The following DSCAM variants were observed in gnomAD, a reference collection of about 807,000 sequenced individuals.
DSCAM encodes cell adhesion molecule DSCAM.
A neutral mutation model predicts 217.7 loss-of-function variants in DSCAM; 47 were observed. That is an observed-to-expected ratio of 0.22 (90% CI 0.17 to 0.28). DSCAM has a LOEUF of 0.28. DSCAM is among the 10% of genes least tolerant of loss of function. The pLI is 1.00. For synonymous variants in DSCAM, 1,056 were observed against 1,015.3 expected (o/e 1.04, Z -0.76); for missense variants, 2,080 against 2,618.3 (o/e 0.79, Z 4.49).
At chr21:40,397,229 T>C (rs2075187239) in intron 3 of DSCAM, among the ~76,000 whole-genome samples, 1 of 152,108 alleles carries the variant, frequency 6.6e-6, no homozygotes, top group African/African-American at 2.4e-5. Context: ...AATCTCATGT[T>C]GAGATGTGAT....
chr21:40,493,664 C>A (rs2076093860), intron 3 of DSCAM, among the ~76,000 whole-genome samples: 1 of 151,434 alleles, frequency 6.6e-6, no homozygotes, highest in Admixed American at 6.6e-5. Context: ...GAGTTCGAGA[C>A]CAGCCTGGCT....
chr21:40,465,882 A>T (rs1427628829), intron 3 of DSCAM, among the ~76,000 whole-genome samples: 2 of 92,416 alleles, frequency 2.2e-5, no homozygotes, highest in African/African-American at 1.2e-4. Flanking sequence ...ACGTTTGGTA[A>T]AAAAAAAAAA....
intron 3 of DSCAM, among the ~76,000 whole-genome samples, chr21:40,652,828 C>G (rs573729355): frequency 6.6e-6 from 1 of 152,260 alleles, no homozygotes; most frequent in Non-Finnish European, 1.5e-5. Flanking sequence ...TGGATTATGA[C>G]GAGTGTCTGT....
intron 15 of DSCAM, among the ~76,000 whole-genome samples, chr21:40,167,651 C>T (rs550545458): frequency 2.2e-4 from 33 of 152,292 alleles, no homozygotes; most frequent in African/African-American, 6.3e-4. Flanking sequence ...CTTCTCTCCC[C>T]GCTGGAAGCT....
At chr21:40,718,865 C>G (rs1183262439) in intron 1 of DSCAM, among the ~76,000 whole-genome samples, 9 of 152,120 alleles carry the variant, frequency 5.9e-5, no homozygotes, top group Non-Finnish European at 2.9e-5. Flanking sequence ...GTAGCTGATG[C>G]CTGTAATCCC....
chr21:40,225,705 C>T (rs530765052), intron 11 of DSCAM, among the ~76,000 whole-genome samples: 63 of 152,266 alleles, frequency 4.1e-4, no homozygotes, highest in Admixed American at 6.5e-4. Flanking sequence ...TACCTATTAC[C>T]GCTGGGGTCC....
intron 14 of DSCAM, among the ~76,000 whole-genome samples, chr21:40,184,305 C>A (rs555406067): frequency 1.1e-4 from 17 of 152,206 alleles, no homozygotes; most frequent in Admixed American, 1.1e-3. Flanking sequence ...ACTCGTACAG[C>A]AGTGAGTACA....
chr21:40,652,289 T>C (rs1046155608), intron 3 of DSCAM, among the ~76,000 whole-genome samples: 1 of 151,558 alleles, frequency 6.6e-6, no homozygotes, highest in Admixed American at 6.6e-5. Flanking sequence ...CTGCACATCC[T>C]GCACATGTGC....
intron 3 of DSCAM, among the ~76,000 whole-genome samples, chr21:40,475,884 T>C (rs775425889): frequency 5.7e-4 from 87 of 152,242 alleles, no homozygotes; most frequent in Middle Eastern, 3.4e-3. Flanking sequence ...GCCTATTCCA[T>C]TTGAGTAGTT....
chr21:40,460,025 G>A (rs1436683323), intron 3 of DSCAM, among the ~76,000 whole-genome samples: 1 of 152,098 alleles, frequency 6.6e-6, no homozygotes, highest in Non-Finnish European at 1.5e-5. Context: ...ACTAACACAG[G>A]AGCAGAAAAC....
intron 3 of DSCAM, among the ~76,000 whole-genome samples, chr21:40,548,167 A>C (rs905443144): frequency 6.6e-6 from 1 of 152,180 alleles, no homozygotes; most frequent in Admixed American, 6.5e-5. Context: ...TTATAGAAAA[A>C]AGCGCCAGCT....
At chr21:40,398,421 A>G (rs2075201708) in intron 3 of DSCAM, among the ~76,000 whole-genome samples, 1 of 152,104 alleles carries the variant, frequency 6.6e-6, no homozygotes, top group African/African-American at 2.4e-5. Context: ...CTAAAATGTC[A>G]AAATACCCCC....
chr21:40,221,210 C>A (rs531108335), intron 11 of DSCAM, among the ~76,000 whole-genome samples: 3 of 151,970 alleles, frequency 2.0e-5, no homozygotes, highest in Admixed American at 2.0e-4. Context: ...GAATAATAGA[C>A]GGATCTCTCC....
intron 3 of DSCAM, among the ~76,000 whole-genome samples, chr21:40,543,609 G>A (rs2076558542): frequency 6.6e-6 from 1 of 152,094 alleles, no homozygotes; most frequent in Non-Finnish European, 1.5e-5. Context: ...TGGGGGGGCA[G>A]GGATCCCAAA....
At chr21:40,425,301 G>A (rs1272645514) in intron 3 of DSCAM, among the ~76,000 whole-genome samples, 6 of 151,570 alleles carry the variant, frequency 4.0e-5, no homozygotes, top group South Asian at 4.2e-4. Context: ...CAAGGTGGGT[G>A]GATCACCTGA....
chr21:40,810,243 G>C (rs796867423), intron 1 of DSCAM, among the ~76,000 whole-genome samples: 2 of 152,330 alleles, frequency 1.3e-5, no homozygotes, highest in African/African-American at 4.8e-5. Context: ...AGAAGTTCCT[G>C]AGGAGCTAGA....
chr21:40,804,631 C>T (rs1344491810), intron 1 of DSCAM, among the ~76,000 whole-genome samples: 6 of 152,154 alleles, frequency 3.9e-5, no homozygotes, highest in Admixed American at 3.9e-4. Context: ...GCCCTGCCCA[C>T]TTGGTTTTCG....
At chr21:40,542,207 C>CA (rs1233015824) in intron 3 of DSCAM, among the ~76,000 whole-genome samples, 2 of 152,240 alleles carry the variant, frequency 1.3e-5, no homozygotes, top group African/African-American at 4.8e-5. Flanking sequence ...TACTCAATCT[C>CA]AAAAAATGAA....
In DSCAM at chr21:40,747,443, T is replaced by C. The variant is rs185813350; in HGVS notation, c.44-38672A>G. On this transcript the variant is annotated intron_variant, in intron 1 of 32. Transcript: ENST00000400454. ...TTGTAAATTTCTATATGCCAAGAAA[T>C]TGGAAAATCTAGAAGAAATGAGTAA... Among the ~76,000 whole-genome samples, 22 of 151,736 alleles carry C rather than the reference T, an allele frequency of 1.4e-4. No individual in the cohort carries two copies. The East Asian group carries it at 3.7e-3, about 25-fold the overall frequency.
Sources: allele counts gnomAD v4.1 joint callset (sites outside exome capture counted in the v4.1 genomes callset), GRCh38; gene constraint gnomAD v4.1.1; transcripts MANE v1.5; gene names NCBI Gene and HGNC (gene_info 2026-07-23, HGNC 2026-07-21).